ABHD2: variants seen among roughly 807,000 people sequenced by gnomAD.
ABHD2 encodes the protein abhydrolase domain containing 2, acylglycerol lipase.
ABHD2 carries 20 observed loss-of-function variants against 48.1 expected under a neutral mutation model. The ratio of observed to expected loss-of-function variants is 0.42; its 90% CI spans 0.29 to 0.60. The LOEUF is 0.60. ABHD2 is among the 20% of genes least tolerant of loss of function. ABHD2 has a pLI of 0.24. For synonymous variants in ABHD2, 209 were observed against 214.2 expected, an observed-to-expected ratio of 0.98 and a Z score of 0.21; for missense variants, 405 against 550.9, an observed-to-expected ratio of 0.74 and a Z score of 2.65.
At position 89,176,803 on chromosome 15, in the gene ABHD2, A is replaced by G. The variant is rs961694018; in HGVS notation, c.722+808A>G. On this transcript the variant is annotated intron_variant, in intron 6 of 10. Transcript: ENST00000352732. The surrounding 1 kb of genome is among the most constrained non-coding windows in gnomAD (Gnocchi z 4.5). ...ATAACCAGTTATTAAAAATCTGATG[A>G]AAAAATTTGAAACACACGGGAAAGT... Among the ~76,000 whole-genome samples, 1 of 152,218 alleles carries G rather than the reference A, an allele frequency of 6.6e-6. No homozygotes were observed. The highest frequency in any genetic ancestry group is 2.4e-5 in the African/African-American group (1 of 41,462).
At chr15:89,052,741 C>G in the ABHD2 span, among the ~76,000 whole-genome samples, 1 of 152,180 alleles carries the variant, frequency 6.6e-6, no homozygotes, top group Non-Finnish European at 1.5e-5. Context: ...AGCCAATACC[C>G]TGATCTCAGA....
At chr15:89,131,469 A>C (rs1047426460) in intron 3 of ABHD2, among the ~76,000 whole-genome samples, 2 of 152,136 alleles carry the variant, frequency 1.3e-5, no homozygotes, top group African/African-American at 4.8e-5. Context: ...CCCAGCAGAG[A>C]GGTGAAGGGG....
intron 3 of ABHD2, among the ~76,000 whole-genome samples, chr15:89,132,364 T>C (rs1596096923): frequency 6.6e-6 from 1 of 152,312 alleles, no homozygotes; most frequent in South Asian, 2.1e-4. Flanking sequence ...CCCTTAACTA[T>C]AGCTAATAAA....
At chr15:89,183,383 AAATATATATATATAT>A (rs1347123084) in intron 6 of ABHD2, 901 of 66,092 alleles carry the variant, frequency 0.014, 15 homozygotes, top group African/African-American at 0.077. Flanking sequence ...AAAAAAAAAA[AAATATATATATATAT>A]ATATATATAT....
intron 3 of ABHD2, among the ~76,000 whole-genome samples, chr15:89,122,557 G>T (rs2050068494): frequency 6.6e-6 from 1 of 152,174 alleles, no homozygotes; most frequent in Admixed American, 6.5e-5. Flanking sequence ...GTTGATCTGG[G>T]AAGGCTCTAC....
At chr15:89,147,380 G>A (rs1216596308) in intron 3 of ABHD2, among the ~76,000 whole-genome samples, 1 of 120,974 alleles carries the variant, frequency 8.3e-6, no homozygotes, top group African/African-American at 3.6e-5. Flanking sequence ...TTGAGACAGA[G>A]TCTCGCTCTT....
intron 7 of ABHD2, among the ~76,000 whole-genome samples, chr15:89,187,633 C>T (rs2051232662): frequency 1.3e-5 from 2 of 152,030 alleles, no homozygotes; most frequent in African/African-American, 4.8e-5. Flanking sequence ...GCTGGTTCCA[C>T]TTGGGGGTTG....
At chr15:89,052,817 A>G in the ABHD2 span, among the ~76,000 whole-genome samples, 2 of 152,022 alleles carry the variant, frequency 1.3e-5, no homozygotes, top group Non-Finnish European at 1.5e-5. Flanking sequence ...CTCCCTCCTC[A>G]TGGCGCCCCT....
rs1335596146 is a variant in ABHD2 at position 89,092,742 on chromosome 15, A to G, written c.-107+4179A>G. 6.6e-6 allele frequency among the ~76,000 whole-genome samples: 1 copy of G among 152,218 alleles called. No individual in the cohort carries two copies. The highest frequency in any genetic ancestry group is 1.5e-5 in the Non-Finnish European group (1 of 68,042). ...TTTTGCAGAAATGGTAGCACACTGCATACATGCTATTTGGAACCTTGCCTT... is the reference window on the plus strand; with the variant it reads ...TTTTGCAGAAATGGTAGCACACTGCGTACATGCTATTTGGAACCTTGCCTT... On this transcript the variant is annotated intron_variant, in intron 1 of 10. Coordinates refer to ENST00000352732, the MANE Select transcript of ABHD2 (RefSeq NM_152924.5). The surrounding 1 kb of genome is among the most constrained non-coding windows in gnomAD (Gnocchi z 4.4).
rs74032727 is a variant in ABHD2, at chr15:89,116,250, C to A, written c.-6-72C>A. On this transcript the variant is annotated intron_variant, in intron 2 of 10. Transcript: ENST00000352732. The surrounding 1 kb of genome is among the most constrained non-coding windows in gnomAD (Gnocchi z 4.6). ...TGGCAGTATCTCTTAGCCCACCATGCGTCTGTAGGGTGGTGGGCACCACCC... is the reference window on the plus strand; with the variant it reads ...TGGCAGTATCTCTTAGCCCACCATGAGTCTGTAGGGTGGTGGGCACCACCC... 7.8e-6 allele frequency: 11 copies of A among 1,402,932 alleles called. No individual in the cohort carries two copies. The highest frequency in any genetic ancestry group is 1.1e-5 in the Non-Finnish European group (11 of 1,021,302). The allele number at this position is 1,402,932 out of a possible 1,614,324, so 86.9% of individuals were successfully genotyped here. A position where few individuals can be genotyped will look rare whatever the true frequency, so the allele number is the denominator to read the frequency against.
chr15:89,111,615 G>A (rs2150805739), intron 1 of ABHD2, among the ~76,000 whole-genome samples: 1 of 152,320 alleles, frequency 6.6e-6, no homozygotes, highest in Middle Eastern at 3.4e-3. Flanking sequence ...GAAAAGGGCA[G>A]ACAAAGGGTG....
intron 8 of ABHD2, among the ~76,000 whole-genome samples, chr15:89,190,531 G>T (rs1363111876): frequency 6.6e-6 from 1 of 152,166 alleles, no homozygotes; most frequent in Non-Finnish European, 1.5e-5. Context: ...TAAAAGGAAA[G>T]TTCCAGTAAA....
In ABHD2 at chr15:89,166,949, C is replaced by T. The variant is rs2050846712; in HGVS notation, c.539-8863C>T. The stretch of plus-strand genomic sequence containing the variant: ...ATCTAATTACACATTCCAATTGAGA[C>T]ACTTTTGAGAGTAAAAAGGGACTTT... On this transcript the variant is annotated intron_variant, in intron 5 of 10. Coordinates refer to ENST00000352732, the MANE Select transcript of ABHD2 (RefSeq NM_152924.5). The surrounding 1 kb of genome is among the most constrained non-coding windows in gnomAD (Gnocchi z 4.6). Among the ~76,000 whole-genome samples the T allele has an allele frequency of 6.6e-6, 1 of 152,182 alleles. No individual in the cohort carries two copies. Among genetic ancestry groups the T allele is most frequent in the Non-Finnish European group, 1.5e-5 (1 of 68,028 alleles).
intron 5 of ABHD2, among the ~76,000 whole-genome samples, chr15:89,156,512 T>A (rs1249807096): frequency 1.3e-5 from 2 of 152,072 alleles, no homozygotes; most frequent in African/African-American, 2.4e-5. Context: ...TTTAGGAGGC[T>A]GAGGCAGGTG....
rs293375 is a variant in ABHD2 at position 89,094,187 on chromosome 15, C to A, written c.-107+5624C>A. On this transcript the variant is annotated intron_variant, in intron 1 of 10. Transcript: ENST00000352732. This position sits in a 1 kb window ranked among gnomAD's most constrained non-coding sequence, Gnocchi z 4.7. ...TTTTCCAGGCTAGAGTGCAGTGGCC[C>A]GATCTCGGTGCACTGCAACCTCTGC... is the stretch of plus-strand genomic sequence containing the variant. The A allele has an allele frequency of 0.35, 53,849 of 151,852 alleles. 10,177 individuals are homozygous for A. The highest frequency in any genetic ancestry group is 0.44 in the Non-Finnish European group (29,659 of 67,910). The allele number at this position is 151,852 out of a possible 1,614,324, so 9.4% of individuals were successfully genotyped here. A position where few individuals can be genotyped will look rare whatever the true frequency, so the allele number is the denominator to read the frequency against.
chr15:89,125,942 A>G (rs187543374), intron 3 of ABHD2, among the ~76,000 whole-genome samples: 4 of 152,314 alleles, frequency 2.6e-5, no homozygotes, highest in Admixed American at 2.6e-4. Flanking sequence ...TGAAAGATCT[A>G]AAAAAAGGTT....
chr15:89,053,805 G>A, the ABHD2 span, among the ~76,000 whole-genome samples: 1 of 152,212 alleles, frequency 6.6e-6, no homozygotes, highest in South Asian at 2.1e-4. Flanking sequence ...CCTTTGCAGG[G>A]TAAAGTGGTG....
intron 3 of ABHD2, among the ~76,000 whole-genome samples, chr15:89,123,589 CTTTCTTTTTTT>C (rs942501897): frequency 8.0e-6 from 1 of 125,208 alleles, no homozygotes; most frequent in African/African-American, 3.1e-5. Context: ...TTCTTTCTTT[CTTTCTTTTTTT>C]TTTTTTTTTT....
rs2051471802 is a variant in ABHD2, at chr15:89,202,103, A to G, written c.*6680A>G. The G allele has an allele frequency of 7.9e-6, 2 of 251,622 alleles. No individual in the cohort carries two copies. Among genetic ancestry groups the G allele is most frequent in the East Asian group, 2.1e-4 (2 of 9,502 alleles). The allele number at this position is 251,622 out of a possible 1,614,324, so 15.6% of individuals were successfully genotyped here. A position where few individuals can be genotyped will look rare whatever the true frequency, so the allele number is the denominator to read the frequency against. On this transcript the variant is annotated 3_prime_UTR_variant, in exon 11 of 11. Coordinates refer to ENST00000352732, the MANE Select transcript of ABHD2 (RefSeq NM_152924.5). The stretch of plus-strand genomic sequence containing the variant: ...CGTGCTGCTGGATCTTTGGGGGGAA[A>G]TACAGGATCCTTCAGCACTGAGGTG...
Sources: allele counts gnomAD v4.1 joint callset (sites outside exome capture counted in the v4.1 genomes callset), GRCh38; gene constraint gnomAD v4.1.1; non-coding constraint Gnocchi (gnomAD v3.1); transcripts MANE v1.5; gene names NCBI Gene and HGNC (gene_info 2026-07-23, HGNC 2026-07-21).